The following COL16A1 variants were observed in gnomAD, a reference collection of about 807,000 sequenced individuals.
COL16A1 encodes the protein collagen type XVI alpha 1 chain, also known as collagen alpha-1(XVI) chain.
COL16A1 carries 189 observed loss-of-function variants against 266.3 expected under a neutral mutation model. The observed-to-expected ratio is 0.71, with a 90% confidence interval of 0.63 to 0.80. COL16A1 has a LOEUF of 0.80. Ranked by LOEUF, COL16A1 falls within the 30% of genes least tolerant of loss-of-function variation. COL16A1 has a pLI of 0.00. For synonymous variants in COL16A1, 740 were observed against 782.3 expected (o/e 0.95, Z 0.90); for missense variants, 1,928 against 2,122.4 (o/e 0.91, Z 1.80).
chr1:31,674,851 C>A (rs1643043013), intron 44 of COL16A1, among the ~76,000 whole-genome samples, 156 bp downstream of exon 44: 2 of 152,226 alleles, frequency 1.3e-5, no homozygotes, highest in Admixed American at 1.3e-4. Flanking sequence ...ACAAGCCAGG[C>A]ATCAGCTAGG....
At chr1:31,696,204 A>C in intron 8 of COL16A1, 63 bp from the exon 9 acceptor site, 1 of 1,471,024 alleles carries the variant, frequency 6.8e-7, no homozygotes, top group East Asian at 2.3e-5. Context: ...CAGGCTGGAA[A>C]GGGGCACCCA....
At chr1:31,661,542 T>TCAAACCAATC (rs1420197989) in intron 59 of COL16A1, 84 bp from the exon 60 acceptor site, 5 of 1,612,846 alleles carry the variant, frequency 3.1e-6, no homozygotes, top group Non-Finnish European at 2.5e-6. Flanking sequence ...TTCAAACAAT[T>TCAAACCAATC]CAAACCAATC....
Position 31,663,858 on chromosome 1 carries a change from C to T in COL16A1, c.3556-1200G>A, listed in dbSNP as rs907325871. 3.9e-5 allele frequency among the ~76,000 whole-genome samples: 6 copies of T among 152,064 alleles called. No homozygotes were observed. The highest frequency in any genetic ancestry group is 1.5e-4 in the African/African-American group (6 of 41,366). ...GTTTACCAGAAAAGGCGGGGGGAGG[C>T]AAGCAGCATAGCGGGGAAGGTGGCT... On this transcript the variant is annotated intron_variant, in intron 56 of 70. Transcript: ENST00000373672. The surrounding 1 kb of genome is among the most constrained non-coding windows in gnomAD (Gnocchi z 4.9).
rs183942232 is a variant in COL16A1, at chr1:31,685,352, T to C, written c.2016+287A>G. 2.6e-5 allele frequency among the ~76,000 whole-genome samples: 4 copies of C among 152,326 alleles called. No homozygotes were observed. The highest frequency in any genetic ancestry group is 2.1e-4 in the South Asian group (1 of 4,832). On this transcript the variant is annotated intron_variant, in intron 29 of 70. Coordinates refer to ENST00000373672, the MANE Select transcript of COL16A1 (RefSeq NM_001856.4). The surrounding 1 kb of genome is among the most constrained non-coding windows in gnomAD (Gnocchi z 4.0). ...GAAACAGAGGTGGAGAGAAGGTGACTTGCTCAAGTCAAAGACTTAGTAAGA... is the reference window on the plus strand; with the variant it reads ...GAAACAGAGGTGGAGAGAAGGTGACCTGCTCAAGTCAAAGACTTAGTAAGA...
At chr1:31,672,391 G>T in intron 47 of COL16A1, 25 bp downstream of exon 47, 1 of 1,613,520 alleles carries the variant, frequency 6.2e-7, no homozygotes, top group Non-Finnish European at 8.5e-7. Context: ...CTCCCTTGAG[G>T]ATGAATCCCC....
chr1:31,686,321 G>A, intron 26 of COL16A1, 42 bp from the exon 27 acceptor site: 1 of 1,614,082 alleles, frequency 6.2e-7, no homozygotes, highest in Non-Finnish European at 8.5e-7. Context: ...AGGGGATGGA[G>A]TCTGGGTGCT....
At chr1:31,694,208 G>T in intron 11 of COL16A1, 38 bp from the exon 12 acceptor site, 1 of 1,556,318 alleles carries the variant, frequency 6.4e-7, no homozygotes, top group South Asian at 1.2e-5. Flanking sequence ...ACTTCCGGTA[G>T]AGAGAGAAAA....
At chr1:31,658,642 CA>C in intron 63 of COL16A1, 65 bp from the exon 64 acceptor site, 1 of 1,376,354 alleles carries the variant, frequency 7.3e-7, no homozygotes, top group Non-Finnish European at 1.0e-6. Context: ...CCCATATAGC[CA>C]GAGACAGACA....
In COL16A1 at chr1:31,661,428, G is replaced by A; in HGVS notation, c.3757C>T (p.Leu1253Phe). 6.2e-7 allele frequency: 1 copy of A among 1,614,100 alleles called. No individual in the cohort carries two copies. Among genetic ancestry groups the A allele is most frequent in the Non-Finnish European group, 8.5e-7 (1 of 1,180,038 alleles). ...GFKGKTGHPG[L>F]PGPKGDCGKP... ...CCAGCCCTTACCTTAGGTCCTGGGA[G>A]GCCAGGATGTCCTGTTTTCCCCTTA... Residue 1253 changes from leucine to phenylalanine, a missense_variant, in exon 60 of 71, where the codon CTC becomes TTC. Around this residue, in one of 2 missense-constraint regions of COL16A1, gnomAD observed 376 missense variants for 485.2 expected, o/e 0.77. Coordinates refer to ENST00000373672, the MANE Select transcript of COL16A1 (RefSeq NM_001856.4).
At chr1:31,696,817 G>A in intron 8 of COL16A1, 146 bp downstream of exon 8, 1 of 1,333,276 alleles carries the variant, frequency 7.5e-7, no homozygotes, top group Non-Finnish European at 1.0e-6. Flanking sequence ...ATTTAGGGGT[G>A]GCGTACAAAT....
chr1:31,670,496 A>T lies in COL16A1; in HGVS notation c.3195+106T>A. 1 of 1,282,572 alleles carries T rather than the reference A, an allele frequency of 7.8e-7. No individual in the cohort carries two copies. Among genetic ancestry groups the T allele is most frequent in the Non-Finnish European group, 1.0e-6 (1 of 1,002,084 alleles). The allele number at this position is 1,282,572 out of a possible 1,614,324, so 79.4% of individuals were successfully genotyped here. On this transcript the variant is annotated intron_variant, in intron 49 of 70. Coordinates refer to ENST00000373672, the MANE Select transcript of COL16A1 (RefSeq NM_001856.4). The surrounding 1 kb of genome is among the most constrained non-coding windows in gnomAD (Gnocchi z 4.5). The stretch of plus-strand genomic sequence containing the variant: ...GCTACCGTGCCTGAAGGGGGACAAC[A>T]AACACGGAGGACGGAGGTGAAGGCA...
intron 52 of COL16A1, 33 bp downstream of exon 52, chr1:31,667,542 C>T (rs1642241333): frequency 1.9e-6 from 3 of 1,564,882 alleles, no homozygotes; most frequent in Non-Finnish European, 2.6e-6. Context: ...CCACGTGCAG[C>T]CCTGCATCCA....
At chr1:31,690,084 A>G (rs1367930887) in intron 22 of COL16A1, 2 of 618,734 alleles carry the variant, frequency 3.2e-6, no homozygotes, top group Non-Finnish European at 2.8e-6. Flanking sequence ...TTAAAACATG[A>G]CTGTGCCCCA....
intron 47 of COL16A1, among the ~76,000 whole-genome samples, chr1:31,671,976 G>A (rs1425768827): frequency 2.0e-5 from 3 of 152,234 alleles, no homozygotes; most frequent in Non-Finnish European, 4.4e-5. Flanking sequence ...AAATAGAACA[G>A]GAGCTGGCAC....
chr1:31,691,335 T>C, intron 19 of COL16A1, 82 bp downstream of exon 19: 3 of 1,584,038 alleles, frequency 1.9e-6, no homozygotes, highest in Non-Finnish European at 1.7e-6. Context: ...CAGAGCCTTA[T>C]CTTCCCCCCG....
intron 13 of COL16A1, 33 bp downstream of exon 13, chr1:31,693,059 A>C (rs751587734): frequency 3.5e-6 from 5 of 1,446,310 alleles, no homozygotes; most frequent in Non-Finnish European, 4.9e-6. Flanking sequence ...CAGCTGGCAA[A>C]GGTCCTGCCA....
At chr1:31,654,184 GGT>G in intron 68 of COL16A1, 141 bp from the exon 69 acceptor site, 1 of 1,277,470 alleles carries the variant, frequency 7.8e-7, no homozygotes. Context: ...GGAGTATGGG[GGT>G]GGGTCTCGCA....
In COL16A1 at chr1:31,702,121, C is replaced by T; in HGVS notation, c.73G>A (p.Gly25Ser). 2 of 1,614,090 alleles carry T rather than the reference C, an allele frequency of 1.2e-6. No homozygotes were observed. Among genetic ancestry groups the T allele is most frequent in the Non-Finnish European group, 1.7e-6 (2 of 1,179,980 alleles). Reference protein sequence around the residue: ...WATFGHGANTGAQCPPSQQEG... With the variant: ...WATFGHGANTSAQCPPSQQEG... ...CTGTGACTCTCCTGTGTCATCTCAC[C>T]TGTATTTGCCCCATGGCCGAAGGTA... Residue 25 changes from glycine (G) to serine (S), a missense_variant and splice_region_variant, in exon 2 of 71, where the codon GGT becomes AGT. By Grantham distance (56) the Gly-to-Ser change is moderately conservative. This residue lies in a region of COL16A1 where 1,552 missense variants were observed against 1,637.2 expected (regional missense o/e 0.95). Coordinates refer to ENST00000373672, the MANE Select transcript of COL16A1 (RefSeq NM_001856.4).
Position 31,698,701 on chromosome 1 carries a change from A to G in COL16A1, c.267-95T>C, listed in dbSNP as rs977781536. On this transcript the variant is annotated intron_variant, in intron 4 of 70. Transcript: ENST00000373672. This position sits in a 1 kb window ranked among gnomAD's most constrained non-coding sequence, Gnocchi z 4.1. ...CAGGACTGCTGAGCCTACCCAAGAC[A>G]TCCACAGGCACACATCTTCCATCAT... 7.1e-5 allele frequency: 110 copies of G among 1,539,086 alleles called. No homozygotes were observed. The highest frequency in any genetic ancestry group is 9.3e-5 in the Non-Finnish European group (107 of 1,145,584).
Sources: allele counts gnomAD v4.1 joint callset (sites outside exome capture counted in the v4.1 genomes callset), GRCh38; gene constraint gnomAD v4.1.1; regional missense constraint gnomAD v4.1.1; non-coding constraint Gnocchi (gnomAD v3.1); transcripts MANE v1.5; gene names NCBI Gene and HGNC (gene_info 2026-07-23, HGNC 2026-07-21).